The following SLC7A14 variants were observed in gnomAD, a reference collection of about 807,000 sequenced individuals.
SLC7A14 encodes gamma-aminobutyric acid transporter SLC7A14.
SLC7A14 carries 37 observed loss-of-function variants against 60.2 expected under a neutral mutation model. The observed-to-expected ratio is 0.61, with a 90% CI of 0.47 to 0.81. SLC7A14 has a LOEUF of 0.81. SLC7A14 is among the 30% of genes least tolerant of loss of function. The pLI is 0.00. For missense variants in SLC7A14, 886 were observed against 982.7 expected, an observed-to-expected ratio of 0.90 and a Z score of 1.32; for synonymous variants, 399 against 395.8, an observed-to-expected ratio of 1.01 and a Z score of -0.10.
At chr3:170,469,615 T>C (rs375880017) in intron 7 of SLC7A14, among the ~76,000 whole-genome samples, 3 of 152,160 alleles carry the variant, frequency 2.0e-5, no homozygotes, top group African/African-American at 7.2e-5. Flanking sequence ...GTCTGAAGCA[T>C]GTTTGGCATC....
Position 170,491,610 on chromosome 3 carries a change from G to A in SLC7A14, c.760-5242C>T, listed in dbSNP as rs1449245573. On this transcript the variant is annotated intron_variant, in intron 4 of 7. Transcript: ENST00000231706. ...GAGAAGCTCTCATCCTGAGGCCTAA[G>A]TGTAGGGGGTGGAATGGTGTCCTGG... Among the ~76,000 whole-genome samples the A allele has an allele frequency of 2.0e-5, 3 of 152,288 alleles. No individual in the cohort carries two copies. The East Asian group carries it at 5.8e-4, about 29-fold the overall frequency.
In SLC7A14 at chr3:170,486,279, C is replaced by A; in HGVS notation, c.849G>T (p.Thr283=). ...TTGEEAKNPN[T]SIPYAITASL... ...AGGCAGTGATAGCATAAGGGATGGA[C>A]GTGTTGGGATTCTTGGCTTCCTCTC... The change falls in exon 5 of 8, where the codon ACG becomes ACT. Residue 283 remains threonine, a synonymous_variant. Coordinates refer to ENST00000231706, the MANE Select transcript of SLC7A14 (RefSeq NM_020949.3). 2 of 1,614,150 alleles carry A rather than the reference C, an allele frequency of 1.2e-6. No individual in the cohort carries two copies. Among genetic ancestry groups the A allele is most frequent in the Non-Finnish European group, 1.7e-6 (2 of 1,180,040 alleles).
intron 2 of SLC7A14, among the ~76,000 whole-genome samples, chr3:170,516,824 G>A (rs1451735850): frequency 1.3e-5 from 2 of 151,984 alleles, no homozygotes; most frequent in African/African-American, 4.8e-5. Context: ...AGCAGCATGG[G>A]GGTCATGGTC....
chr3:170,554,108 A>G (rs1714425034), intron 1 of SLC7A14, among the ~76,000 whole-genome samples: 1 of 152,086 alleles, frequency 6.6e-6, no homozygotes, highest in Non-Finnish European at 1.5e-5. Flanking sequence ...AAAACTGCAA[A>G]TTCCAGAGCT....
In SLC7A14 at chr3:170,474,202, A is replaced by G. The variant is rs376606458; in HGVS notation, c.1993+6087T>C. 1.7e-4 allele frequency among the ~76,000 whole-genome samples: 26 copies of G among 152,376 alleles called. No homozygotes were observed. In the South Asian group the frequency reaches 3.9e-3, roughly 23 times the overall value. ...AAGCAACAATGGGCGTGAATCTCAC[A>G]AACATAATATTGAGGGAAAGAAGGC... On this transcript the variant is annotated intron_variant, in intron 7 of 7. Coordinates refer to ENST00000231706, the MANE Select transcript of SLC7A14 (RefSeq NM_020949.3).
At chr3:170,499,925 A>C (rs1363562636) in intron 3 of SLC7A14, among the ~76,000 whole-genome samples, 1 of 152,238 alleles carries the variant, frequency 6.6e-6, no homozygotes, top group Admixed American at 6.5e-5. Flanking sequence ...TTTTAGACCT[A>C]AAATTCTATG....
chr3:170,514,403 T>G (rs1349774163), intron 2 of SLC7A14, among the ~76,000 whole-genome samples: 1 of 152,256 alleles, frequency 6.6e-6, no homozygotes, highest in Non-Finnish European at 1.5e-5. Context: ...TCTCTGCATC[T>G]CTAGCATCTA....
At chr3:170,497,648 T>C (rs1712450662) in intron 4 of SLC7A14, among the ~76,000 whole-genome samples, 1 of 152,164 alleles carries the variant, frequency 6.6e-6, no homozygotes, top group African/African-American at 2.4e-5. Context: ...ACCTCTAAGG[T>C]CCCTGACAGC....
Position 170,459,622 on chromosome 3 carries a change from A to G in SLC7A14, c.*7433T>C, listed in dbSNP as rs1739554240. 1.3e-5 allele frequency: 2 copies of G among 152,364 alleles called. No homozygotes were observed. The highest frequency in any genetic ancestry group is 6.5e-5 in the Admixed American group (1 of 15,302). The allele number at this position is 152,364 out of a possible 1,614,324, so 9.4% of individuals were successfully genotyped here. A position where few individuals can be genotyped will look rare whatever the true frequency, so the allele number is the denominator to read the frequency against. On this transcript the variant is annotated 3_prime_UTR_variant, in exon 8 of 8. Transcript: ENST00000231706. ...GTTTTATTCTGAAAATGAATTTTCC[A>G]CAATAATGCAATTCAAAGTGAACTC...
intron 2 of SLC7A14, among the ~76,000 whole-genome samples, chr3:170,520,089 G>A (rs1005630800): frequency 6.6e-6 from 1 of 152,230 alleles, no homozygotes; most frequent in Non-Finnish European, 1.5e-5. Context: ...AATATAATCT[G>A]TTAATACAGT....
chr3:170,520,971 G>T (rs753475694), intron 2 of SLC7A14, among the ~76,000 whole-genome samples: 1 of 152,170 alleles, frequency 6.6e-6, no homozygotes, highest in Non-Finnish European at 1.5e-5. Context: ...AAAGGCTGTA[G>T]GTGGGAACCA....
chr3:170,537,325 C>T (rs1157092126), intron 1 of SLC7A14, among the ~76,000 whole-genome samples: 4 of 152,194 alleles, frequency 2.6e-5, no homozygotes, highest in Non-Finnish European at 5.9e-5. Context: ...CTCTGATCCC[C>T]TGCTCCCCTG....
chr3:170,481,110 G>A lies in SLC7A14; in HGVS notation c.1172C>T (p.Ser391Leu), dbSNP rs375705180. 195 of 1,613,986 alleles carry A rather than the reference G, an allele frequency of 1.2e-4. No individual in the cohort carries two copies. In the East Asian group the frequency reaches 2.4e-3, roughly 20 times the overall value. The change falls in exon 7 of 8, where the codon TCG (serine) becomes TTG (leucine). Residue 391 changes from serine (S) to leucine (L), a missense_variant. Physicochemically the swap from Ser to Leu is moderately radical, Grantham distance 145. Transcript: ENST00000231706. ...TGCGAGGAGCGCTGCCAGGAACCCCGACACGATGCAGGCCACCACTGGTGT... is the reference window on the plus strand; with the variant it reads ...TGCGAGGAGCGCTGCCAGGAACCCCAACACGATGCAGGCCACCACTGGTGT... ...TETPVVACIV[S>L]GFLAALLALL... is the part of the protein sequence containing the mutation.
intron 1 of SLC7A14, among the ~76,000 whole-genome samples, chr3:170,533,874 A>G (rs1420087091): frequency 6.6e-6 from 1 of 152,150 alleles, no homozygotes; most frequent in East Asian, 1.9e-4. Context: ...TTTTTTGATT[A>G]CCTACCATAT....
intron 1 of SLC7A14, among the ~76,000 whole-genome samples, chr3:170,549,190 C>T (rs1221150284): frequency 6.6e-6 from 1 of 151,238 alleles, no homozygotes; most frequent in Non-Finnish European, 1.5e-5. Flanking sequence ...CAGGCTGAAT[C>T]CAGACTGGGA....
At chr3:170,476,963 T>G (rs1480665957) in intron 7 of SLC7A14, 1 of 152,238 alleles carries the variant, frequency 6.6e-6, no homozygotes, top group Non-Finnish European at 1.5e-5. Flanking sequence ...TATAGAGTTT[T>G]CAATGTAAAA....
At position 170,480,192 on chromosome 3, in the gene SLC7A14, G is replaced by A. The variant is rs902841452; in HGVS notation, c.1993+97C>T. ...CATAGAACCAGCCAGATTTCTCTGG[G>A]AACGGAGTTGCCTAGTCCAGCTAGG... On this transcript the variant is annotated intron_variant, in intron 7 of 7. Coordinates refer to ENST00000231706, the MANE Select transcript of SLC7A14 (RefSeq NM_020949.3). 6 of 1,301,838 alleles carry A rather than the reference G, an allele frequency of 4.6e-6. No homozygotes were observed. The Admixed American group carries it at 1.6e-4, about 34-fold the overall frequency. The allele number at this position is 1,301,838 out of a possible 1,614,324, so 80.6% of individuals were successfully genotyped here.
chr3:170,469,536 G>T (rs1241752191), intron 7 of SLC7A14, among the ~76,000 whole-genome samples: 3 of 152,256 alleles, frequency 2.0e-5, no homozygotes, highest in Admixed American at 2.0e-4. Flanking sequence ...TTATCCTTGT[G>T]TAGAACAGGG....
At chr3:170,486,620 T>C (rs531034667) in intron 4 of SLC7A14, among the ~76,000 whole-genome samples, 2 of 148,192 alleles carry the variant, frequency 1.3e-5, no homozygotes, top group Admixed American at 1.4e-4. Context: ...ATGCCTGTAA[T>C]CACAGCACTT....
Sources: gnomAD v4.1 joint callset for allele counts (sites outside exome capture counted in the v4.1 genomes callset) on GRCh38, gnomAD v4.1.1 for gene constraint, MANE v1.5 for transcripts, NCBI Gene and HGNC (gene_info 2026-07-23, HGNC 2026-07-21) for gene names.